SH3BP4: variants seen among roughly 807,000 people sequenced by gnomAD.
SH3BP4 encodes SH3 domain binding protein 4, also known as SH3 domain-binding protein 4.
Under a neutral mutation model 65.5 loss-of-function variants are expected in SH3BP4, and 33 were observed. That is an observed-to-expected ratio of 0.50 (90% CI 0.38 to 0.67). The LOEUF (loss-of-function observed/expected upper bound fraction) is 0.67. Among genes scored for constraint, SH3BP4 ranks in the 30% least tolerant of loss-of-function variants. The pLI, the probability that SH3BP4 is intolerant of heterozygous loss-of-function variation, is 0.00. For synonymous variants in SH3BP4, 552 were observed against 545.5 expected (o/e 1.01, Z -0.17); for missense variants, 1,134 against 1,261.4 (o/e 0.90, Z 1.53).
chr2:234,991,913 C>G lies in SH3BP4; in HGVS notation c.-206-3390C>G, dbSNP rs977150208. On this transcript the variant is annotated intron_variant, in intron 1 of 5. Transcript: ENST00000392011. This position sits in a 1 kb window ranked among gnomAD's most constrained non-coding sequence, Gnocchi z 4.2. ...TCCAGTTCTGGCGTCTCTGAGCCCC[C>G]TGTCAGGGCAGCTGGGTCCCCCCAT... Among the ~76,000 whole-genome samples, 2 of 152,226 alleles carry G rather than the reference C, an allele frequency of 1.3e-5. No individual in the cohort carries two copies. The highest frequency in any genetic ancestry group is 4.1e-4 in the South Asian group (2 of 4,830).
intron 1 of SH3BP4, among the ~76,000 whole-genome samples, chr2:234,982,391 C>T (rs1219540050): frequency 1.3e-5 from 2 of 152,036 alleles, no homozygotes; most frequent in East Asian, 1.9e-4. Flanking sequence ...ATGGAGAGGC[C>T]GGAGGGTTAC....
chr2:235,041,364 A>C lies in SH3BP4; in HGVS notation c.595A>C (p.Thr199Pro), dbSNP rs1207634033. 2.5e-6 allele frequency: 4 copies of C among 1,614,082 alleles called. No homozygotes were observed. The East Asian group carries it at 8.9e-5, about 36-fold the overall frequency. The change falls in exon 4 of 6, where the codon ACA becomes CCA. Residue 199 changes from threonine (T) to proline (P), a missense_variant. Physicochemically the swap from Thr to Pro is conservative, Grantham distance 38 (BLOSUM62 -1). Coordinates refer to ENST00000392011, the MANE Select transcript of SH3BP4 (RefSeq NM_014521.3). The surrounding 1 kb of genome is among the most constrained non-coding windows in gnomAD (Gnocchi z 6.0). ...GGATTTGCTCCTTTTTGACGCAGGT[A>C]CATCCTCCTTCACCGAATCCAGCTC... is the stretch of plus-strand genomic sequence containing the variant. ...TVDLLLFDAG[T>P]SSFTESSSAT...
At chr2:234,999,080 C>A (rs1694018967) in intron 2 of SH3BP4, among the ~76,000 whole-genome samples, 1 of 152,202 alleles carries the variant, frequency 6.6e-6, no homozygotes, top group African/African-American at 2.4e-5. Flanking sequence ...GAATAAACCG[C>A]TGCAAATGCA....
intron 2 of SH3BP4, among the ~76,000 whole-genome samples, chr2:235,004,847 A>C (rs1017290313): frequency 1.3e-5 from 2 of 152,086 alleles, no homozygotes; most frequent in African/African-American, 4.8e-5. Context: ...CATGTATTTG[A>C]TGGTCTAATT....
In SH3BP4 at chr2:235,035,327, C is replaced by G. The variant is rs1392427788; in HGVS notation, c.118+207C>G. ...TTGGTTCCCCCTTATTAGTGAAACC[C>G]CTTCTTAATACAGGGTATGTTTCTT... On this transcript the variant is annotated intron_variant, in intron 3 of 5. Transcript: ENST00000392011. The surrounding 1 kb of genome is among the most constrained non-coding windows in gnomAD (Gnocchi z 5.0). Among the ~76,000 whole-genome samples the G allele has an allele frequency of 6.6e-6, 1 of 152,086 alleles. No individual in the cohort carries two copies. The highest frequency in any genetic ancestry group is 1.5e-5 in the Non-Finnish European group (1 of 68,024).
Position 234,974,362 on chromosome 2 carries a change from T to TA in SH3BP4, c.-206-20932dup, listed in dbSNP as rs901237442. Among the ~76,000 whole-genome samples, 4 of 149,926 alleles carry TA rather than the reference T, an allele frequency of 2.7e-5. No individual in the cohort carries two copies. Among genetic ancestry groups the TA allele is most frequent in the Admixed American group, 1.3e-4 (2 of 15,056 alleles). On this transcript the variant is annotated intron_variant, in intron 1 of 5. Transcript: ENST00000392011. This position sits in a 1 kb window ranked among gnomAD's most constrained non-coding sequence, Gnocchi z 4.6. ...CCTGGGCAAAGAGCGAAACTCTGTC[T>TA]AAAAAAAAATAAATAAATAAAAGAG...
At chr2:234,956,450 C>G (rs988657251) in intron 1 of SH3BP4, among the ~76,000 whole-genome samples, 12 of 152,204 alleles carry the variant, frequency 7.9e-5, no homozygotes, top group Admixed American at 7.2e-4. Context: ...TTTGCTGAAG[C>G]CTGTTAGCCC....
At position 234,989,893 on chromosome 2, in the gene SH3BP4, A is replaced by AAAT. The variant is rs1693696789; in HGVS notation, c.-206-5410_-206-5409insAAT. 2.0e-5 allele frequency among the ~76,000 whole-genome samples: 3 copies of AAAT among 152,284 alleles called. No homozygotes were observed. The South Asian group carries it at 6.2e-4, about 32-fold the overall frequency. ...AGAATTTTCAGGGTGAACACCCCTCATCCAAAAATTTGAAATCCAAAATGC... is the reference window on the plus strand; with the variant it reads ...AGAATTTTCAGGGTGAACACCCCTCAAATTCCAAAAATTTGAAATCCAAAATGC... On this transcript the variant is annotated intron_variant, in intron 1 of 5. Coordinates refer to ENST00000392011, the MANE Select transcript of SH3BP4 (RefSeq NM_014521.3).
intron 4 of SH3BP4, among the ~76,000 whole-genome samples, chr2:235,050,209 G>A (rs529060833): frequency 7.9e-5 from 12 of 152,110 alleles, no homozygotes; most frequent in South Asian, 2.1e-4. Context: ...TCCGCCTCCC[G>A]GGTTCACGCC....
chr2:235,040,834 C>T (rs550704996), intron 3 of SH3BP4, 54 bp from the exon 4 acceptor site: 46 of 1,514,374 alleles, frequency 3.0e-5, no homozygotes, highest in African/African-American at 1.5e-4. Flanking sequence ...GGAAGCTCTC[C>T]GGACACCCCG....
chr2:234,981,436 C>T (rs181242045), intron 1 of SH3BP4, among the ~76,000 whole-genome samples: 104 of 152,236 alleles, frequency 6.8e-4, no homozygotes, highest in African/African-American at 2.3e-3. Flanking sequence ...ACCTGGAGCT[C>T]GGGGACCCCT....
At position 235,045,115 on chromosome 2, in the gene SH3BP4, C is replaced by T. The variant is rs1045389761; in HGVS notation, c.2478+1868C>T. ...GGCTCTCCAGAACCTGGTGCCGGGCCGTGGCCTGGTCTCCTCACGGGTGCA... is the reference window on the plus strand; with the variant it reads ...GGCTCTCCAGAACCTGGTGCCGGGCTGTGGCCTGGTCTCCTCACGGGTGCA... On this transcript the variant is annotated intron_variant, in intron 4 of 5. Coordinates refer to ENST00000392011, the MANE Select transcript of SH3BP4 (RefSeq NM_014521.3). This position sits in a 1 kb window ranked among gnomAD's most constrained non-coding sequence, Gnocchi z 4.3. Among the ~76,000 whole-genome samples the T allele has an allele frequency of 1.3e-5, 2 of 152,188 alleles. No individual in the cohort carries two copies. The highest frequency in any genetic ancestry group is 1.9e-4 in the East Asian group (1 of 5,170).
At chr2:235,009,699 A>G (rs1200016465) in intron 2 of SH3BP4, among the ~76,000 whole-genome samples, 1 of 151,444 alleles carries the variant, frequency 6.6e-6, no homozygotes, top group African/African-American at 2.4e-5. Flanking sequence ...TCTCTCCCCA[A>G]ATGTCTATTC....
intron 2 of SH3BP4, among the ~76,000 whole-genome samples, chr2:235,006,328 C>T (rs1334405127): frequency 2.6e-5 from 4 of 152,134 alleles, no homozygotes; most frequent in African/African-American, 9.7e-5. Context: ...CTTGCTGCCC[C>T]AGGGGGTATC....
chr2:235,037,866 A>T (rs1361869579), intron 3 of SH3BP4, among the ~76,000 whole-genome samples: 1 of 151,902 alleles, frequency 6.6e-6, no homozygotes, highest in Non-Finnish European at 1.5e-5. Flanking sequence ...GTTTTGGTTC[A>T]CTCCCATCTC....
At chr2:234,971,433 A>C (rs1363502606) in intron 1 of SH3BP4, among the ~76,000 whole-genome samples, 1 of 152,232 alleles carries the variant, frequency 6.6e-6, no homozygotes, top group Non-Finnish European at 1.5e-5. Context: ...GCTATTGCGA[A>C]TAATGCTGCT....
intron 1 of SH3BP4, among the ~76,000 whole-genome samples, chr2:234,975,254 A>C (rs1348722781): frequency 2.0e-5 from 3 of 152,200 alleles, no homozygotes; most frequent in African/African-American, 7.2e-5. Flanking sequence ...GCAGGACGAC[A>C]GACGTGTCAC....
chr2:234,978,259 G>A lies in SH3BP4; in HGVS notation c.-206-17044G>A, dbSNP rs1693234347. Among the ~76,000 whole-genome samples the A allele has an allele frequency of 6.6e-6, 1 of 152,164 alleles. No homozygotes were observed. The highest frequency in any genetic ancestry group is 1.5e-5 in the Non-Finnish European group (1 of 68,030). ...GCGTGAGCCACCATGCTGGCAGTCTGTTTCTATTTTGGCATTTCCTCACTG... is the reference window on the plus strand; with the variant it reads ...GCGTGAGCCACCATGCTGGCAGTCTATTTCTATTTTGGCATTTCCTCACTG... On this transcript the variant is annotated intron_variant, in intron 1 of 5. Coordinates refer to ENST00000392011, the MANE Select transcript of SH3BP4 (RefSeq NM_014521.3). This position sits in a 1 kb window ranked among gnomAD's most constrained non-coding sequence, Gnocchi z 4.1.
At chr2:235,038,383 AT>A (rs1322613367) in intron 3 of SH3BP4, among the ~76,000 whole-genome samples, 4,082 of 17,006 alleles carry the variant, frequency 0.24, 676 homozygotes, top group African/African-American at 0.49. Flanking sequence ...ATACATATAT[AT>A]ATATATATAT....
Sources: gnomAD v4.1 joint callset for allele counts (sites outside exome capture counted in the v4.1 genomes callset) on GRCh38, gnomAD v4.1.1 for gene constraint, Gnocchi (gnomAD v3.1) non-coding constraint, MANE v1.5 for transcripts, NCBI Gene and HGNC (gene_info 2026-07-23, HGNC 2026-07-21) for gene names.